PCDHA4: variants seen among roughly 807,000 people sequenced by gnomAD.
PCDHA4 encodes protocadherin alpha 4, also known as protocadherin alpha-4.
PCDHA4 carries 49 observed loss-of-function variants against 61.4 expected under a neutral mutation model. The ratio of observed to expected loss-of-function variants is 0.80; its 90% CI spans 0.63 to 1.01. PCDHA4 has a LOEUF of 1.01. Ranked by LOEUF, PCDHA4 falls within the 50% of genes least tolerant of loss-of-function variation. The pLI is 0.00. For synonymous variants in PCDHA4, 590 were observed against 550.3 expected, an observed-to-expected ratio of 1.07 and a Z score of -1.01; for missense variants, 1,254 against 1,235.8, an observed-to-expected ratio of 1.01 and a Z score of -0.22.
At chr5:140,870,161 C>T (rs745813666) in intron 1 of PCDHA4, 10 of 1,614,124 alleles carry the variant, frequency 6.2e-6, no homozygotes, top group Non-Finnish European at 8.5e-6. Context: ...GCCGTGACTT[C>T]CTTGTCCCTC....
At chr5:140,882,065 A>C in intron 1 of PCDHA4, 1 of 831,114 alleles carries the variant, frequency 1.2e-6, no homozygotes, top group Non-Finnish European at 1.8e-6. Flanking sequence ...TTACACGTTC[A>C]TGCGCATGGT....
intron 1 of PCDHA4, chr5:140,969,002 T>C (rs201544118): frequency 8.1e-6 from 13 of 1,614,214 alleles, no homozygotes; most frequent in Non-Finnish European, 1.1e-5. Context: ...TGGAGGCTTC[T>C]GTGGAGTAAG....
At chr5:140,814,561 G>T (rs1385354330) in intron 1 of PCDHA4, 1 of 151,692 alleles carries the variant, frequency 6.6e-6, no homozygotes, top group Non-Finnish European at 1.5e-5. Flanking sequence ...TCTGTATCAA[G>T]TATTATGTAC....
chr5:140,918,107 C>T (rs2078522550), intron 1 of PCDHA4, among the ~76,000 whole-genome samples: 1 of 152,132 alleles, frequency 6.6e-6, no homozygotes. Flanking sequence ...AGATCTTTCA[C>T]ATCCTTGATT....
chr5:140,822,286 T>C, intron 1 of PCDHA4: 2 of 1,614,248 alleles, frequency 1.2e-6, no homozygotes, highest in Non-Finnish European at 1.7e-6. Flanking sequence ...GAGATACAGG[T>C]TAAATCCAAA....
intron 1 of PCDHA4, chr5:140,927,498 G>A (rs782816586): frequency 3.1e-6 from 5 of 1,614,138 alleles, no homozygotes; most frequent in Middle Eastern, 1.6e-4. Context: ...ACCTGCTGGT[G>A]CTTACAGCTC....
At chr5:140,857,747 T>C (rs2150398019) in intron 1 of PCDHA4, 2 of 1,597,058 alleles carry the variant, frequency 1.3e-6, no homozygotes, top group South Asian at 1.1e-5. Context: ...GCTGCTGGCG[T>C]CTCCCGCTGG....
In PCDHA4 at chr5:140,856,245, C is replaced by T. The variant is rs782062442; in HGVS notation, c.2385+46673C>T. 5.5e-5 allele frequency: 88 copies of T among 1,597,902 alleles called. 5 individuals are homozygous for T. The South Asian group carries it at 8.8e-4, about 16-fold the overall frequency. On this transcript the variant is annotated intron_variant, in intron 1 of 3. Coordinates refer to ENST00000530339, the MANE Select transcript of PCDHA4 (RefSeq NM_018907.4). ...CTGGTGCAGCGCCTGTTCCGGGTGGCGTCCAAAAGACACGGGGACCTTCTG... is the reference window on the plus strand; with the variant it reads ...CTGGTGCAGCGCCTGTTCCGGGTGGTGTCCAAAAGACACGGGGACCTTCTG...
rs543069895 is a variant in PCDHA4, at chr5:140,958,338, G to A, written c.2386-20611G>A. 2.0e-4 allele frequency among the ~76,000 whole-genome samples: 30 copies of A among 152,108 alleles called. No homozygotes were observed. In the South Asian group the frequency reaches 6.0e-3, roughly 31 times the overall value. ...GAGCTCAAAAAATAAATAAATCACA[G>A]GAAGTTCACAGTCTGACTTTATCAG... On this transcript the variant is annotated intron_variant, in intron 1 of 3. Transcript: ENST00000530339.
At chr5:140,895,636 T>C (rs1554186575) in intron 1 of PCDHA4, among the ~76,000 whole-genome samples, 1 of 152,178 alleles carries the variant, frequency 6.6e-6, no homozygotes, top group Non-Finnish European at 1.5e-5. Context: ...TTTCACATTC[T>C]TTTTTAGCTC....
At chr5:140,922,980 A>G (rs2081098580) in intron 1 of PCDHA4, among the ~76,000 whole-genome samples, 1 of 152,244 alleles carries the variant, frequency 6.6e-6, no homozygotes, top group African/African-American at 2.4e-5. Flanking sequence ...TATCTCAGAC[A>G]ATAGGCAAGC....
At chr5:140,859,474 T>A (rs1282422046) in intron 1 of PCDHA4, 1 of 210,268 alleles carries the variant, frequency 4.8e-6, no homozygotes, top group East Asian at 1.7e-4. Flanking sequence ...CTATCAATTG[T>A]GTTTTCCTGA....
intron 1 of PCDHA4, chr5:140,843,060 T>C: frequency 1.3e-6 from 2 of 1,595,188 alleles, no homozygotes; most frequent in Non-Finnish European, 1.7e-6. Context: ...GCGAGCAAGC[T>C]GGTGCCGCGG....
intron 1 of PCDHA4, chr5:140,926,518 C>T (rs1584446348): frequency 4.9e-6 from 1 of 202,636 alleles, no homozygotes; most frequent in Non-Finnish European, 9.8e-6. Context: ...CAGGCTCCGC[C>T]CTGCGCCCGC....
At chr5:140,954,591 G>A (rs951330274) in intron 1 of PCDHA4, among the ~76,000 whole-genome samples, 3 of 152,062 alleles carry the variant, frequency 2.0e-5, no homozygotes, top group Non-Finnish European at 2.9e-5. Context: ...GTCTGTTCAT[G>A]TTCTTTGCCC....
intron 1 of PCDHA4, chr5:140,824,022 C>T (rs2150131609): frequency 6.2e-7 from 1 of 1,614,118 alleles, no homozygotes; most frequent in East Asian, 2.2e-5. Flanking sequence ...GCTGGTCGTA[C>T]TCGCAGCAGA....
chr5:140,809,655 AT>A (rs1764521279), intron 1 of PCDHA4, 83 bp downstream of exon 1: 1 of 1,490,700 alleles, frequency 6.7e-7, no homozygotes, highest in Non-Finnish European at 9.0e-7. Flanking sequence ...TAAGAGTCAA[AT>A]TTCCCTGGGT....
intron 1 of PCDHA4, among the ~76,000 whole-genome samples, chr5:140,971,134 G>A (rs1387380195): frequency 6.6e-6 from 1 of 152,170 alleles, no homozygotes; most frequent in African/African-American, 2.4e-5. Context: ...GTGGTGAAGA[G>A]GCATGAACAA....
Position 140,807,806 on chromosome 5 carries a change from G to A in PCDHA4, c.619G>A (p.Glu207Lys), listed in dbSNP as rs1554124286. The A allele has an allele frequency of 6.2e-7, 1 of 1,614,160 alleles. No individual in the cohort carries two copies. Among genetic ancestry groups the A allele is most frequent in the South Asian group, 1.1e-5 (1 of 91,084 alleles). ...ATCTTTAGACAGAGAAGAAGCTCCG[G>A]AGATTTTTTTAGTGCTCACAGCCAC... ...RKSLDREEAP[E>K]IFLVLTATDG... The change falls in exon 1 of 4, where the codon GAG becomes AAG. Residue 207 changes from glutamate to lysine, a missense_variant. Glu to Lys is a moderately conservative substitution (Grantham distance 56). Transcript: ENST00000530339.
Sources: gnomAD v4.1 joint callset for allele counts (sites outside exome capture counted in the v4.1 genomes callset) on GRCh38, gnomAD v4.1.1 for gene constraint, MANE v1.5 for transcripts, NCBI Gene and HGNC (gene_info 2026-07-23, HGNC 2026-07-21) for gene names.